Variants in MAP2K5 observed in about 807,000 individuals in gnomAD.
MAP2K5 encodes the protein mitogen-activated protein kinase kinase 5.
Under a neutral mutation model 83.1 loss-of-function variants are expected in MAP2K5, and 49 were observed. The ratio of observed to expected loss-of-function variants is 0.59; its 90% CI spans 0.47 to 0.75. The LOEUF (loss-of-function observed/expected upper bound fraction) is 0.75. Among genes scored for constraint, MAP2K5 ranks in the 30% least tolerant of loss-of-function variants. The pLI, the probability that MAP2K5 is intolerant of heterozygous loss-of-function variation, is 0.00. For synonymous variants in MAP2K5, 202 were observed against 191.8 expected (o/e 1.05, Z -0.44); for missense variants, 457 against 557.5 (o/e 0.82, Z 1.82).
At chr15:67,606,051 G>C (rs577608040) in intron 8 of MAP2K5, among the ~76,000 whole-genome samples, 1 of 152,284 alleles carries the variant, frequency 6.6e-6, no homozygotes, top group African/African-American at 2.4e-5. Context: ...GGAAATAAAA[G>C]TAATTAACAG....
At chr15:67,641,171 GT>G (rs1411871321) in intron 9 of MAP2K5, among the ~76,000 whole-genome samples, 1 of 152,186 alleles carries the variant, frequency 6.6e-6, no homozygotes, top group African/African-American at 2.4e-5. Flanking sequence ...TGTTTTCTAA[GT>G]GGGAAAAATC....
intron 6 of MAP2K5, among the ~76,000 whole-genome samples, chr15:67,589,616 A>T (rs540514269): frequency 1.3e-5 from 2 of 152,348 alleles, no homozygotes; most frequent in East Asian, 3.9e-4. Context: ...AATGAATCAA[A>T]ATGTTATTAA....
chr15:67,756,163 G>A (rs2089829955), intron 19 of MAP2K5, among the ~76,000 whole-genome samples: 2 of 152,212 alleles, frequency 1.3e-5, no homozygotes, highest in Non-Finnish European at 2.9e-5. Flanking sequence ...GGGACACTGT[G>A]TTTTAAGTAT....
rs1413266897 is a variant in MAP2K5, at chr15:67,587,344, A to G, written c.431+431A>G. Among the ~76,000 whole-genome samples, 1 of 152,106 alleles carries G rather than the reference A, an allele frequency of 6.6e-6. No individual in the cohort carries two copies. Among genetic ancestry groups the G allele is most frequent in the African/African-American group, 2.4e-5 (1 of 41,412 alleles). Reference sequence around the variant, plus strand: ...TCATGCGGGGCCTCGTAGGCCCTGTAATGTTTGAATTTTCCTTTTGGTGCA... The same window carrying G: ...TCATGCGGGGCCTCGTAGGCCCTGTGATGTTTGAATTTTCCTTTTGGTGCA... On this transcript the variant is annotated intron_variant, in intron 6 of 21. Coordinates refer to ENST00000178640, the MANE Select transcript of MAP2K5 (RefSeq NM_145160.3). This position sits in a 1 kb window ranked among gnomAD's most constrained non-coding sequence, Gnocchi z 4.8.
At chr15:67,754,499 C>T (rs975037000) in intron 19 of MAP2K5, among the ~76,000 whole-genome samples, 3 of 152,192 alleles carry the variant, frequency 2.0e-5, no homozygotes, top group Admixed American at 6.5e-5. Context: ...GAGATAAATC[C>T]CTGTGCTGGA....
At chr15:67,730,094 A>T (rs1238146863) in intron 17 of MAP2K5, among the ~76,000 whole-genome samples, 1 of 152,218 alleles carries the variant, frequency 6.6e-6, no homozygotes, top group Admixed American at 6.5e-5. Context: ...GTTTTTCAAC[A>T]GAAGTTGGGG....
At chr15:67,590,806 A>G (rs988894117) in intron 6 of MAP2K5, among the ~76,000 whole-genome samples, 2 of 152,034 alleles carry the variant, frequency 1.3e-5, no homozygotes, top group Non-Finnish European at 2.9e-5. Context: ...CATTACTACT[A>G]CTGCCACCAC....
At chr15:67,784,784 T>C (rs11071960) in intron 21 of MAP2K5, among the ~76,000 whole-genome samples, 37,309 of 152,000 alleles carry the variant, frequency 0.25, 4,646 homozygotes, top group South Asian at 0.34. Flanking sequence ...CCTTTCCACT[T>C]CTGCCATCAT....
At chr15:67,598,347 G>C (rs961409384) in intron 7 of MAP2K5, among the ~76,000 whole-genome samples, 6 of 152,198 alleles carry the variant, frequency 3.9e-5, no homozygotes, top group Non-Finnish European at 8.8e-5. Context: ...CATGGTTCCA[G>C]AACTTGCTCT....
rs1027011319 is a variant in MAP2K5, at chr15:67,559,310, C to A, written c.185-3973C>A. 1.3e-5 allele frequency among the ~76,000 whole-genome samples: 2 copies of A among 152,134 alleles called. No homozygotes were observed. Among genetic ancestry groups the A allele is most frequent in the African/African-American group, 4.8e-5 (2 of 41,424 alleles). ...TTCTCTTGAAAGCCTTCTTGAGCCCCTGTCACTGCAGTGGGTGCTGTTTGG... is the reference window on the plus strand; with the variant it reads ...TTCTCTTGAAAGCCTTCTTGAGCCCATGTCACTGCAGTGGGTGCTGTTTGG... On this transcript the variant is annotated intron_variant, in intron 2 of 21. Transcript: ENST00000178640. The surrounding 1 kb of genome is among the most constrained non-coding windows in gnomAD (Gnocchi z 4.7).
intron 2 of MAP2K5, among the ~76,000 whole-genome samples, chr15:67,556,772 C>T (rs1366431378): frequency 1.3e-5 from 2 of 151,980 alleles, no homozygotes; most frequent in African/African-American, 2.4e-5. Context: ...AGGCTGGTCT[C>T]GAACTCCTGA....
In MAP2K5 at chr15:67,542,975, C is replaced by G. The variant is rs1239045972; in HGVS notation, c.-361C>G. The G allele has an allele frequency of 2.1e-5, 6 of 289,716 alleles. No individual in the cohort carries two copies. The highest frequency in any genetic ancestry group is 3.4e-5 in the Non-Finnish European group (5 of 148,674). 17.9% of individuals were successfully genotyped at this position (289,716 alleles called of 1,614,324 possible). The stretch of plus-strand genomic sequence containing the variant: ...GCGGTGGACACCTGCCGCTGTATCT[C>G]CCCCAAACCGAGTCCTTGCCCTGCT... On this transcript the variant is annotated 5_prime_UTR_variant, in exon 1 of 22. Transcript: ENST00000178640.
intron 13 of MAP2K5, among the ~76,000 whole-genome samples, chr15:67,685,934 T>A (rs1202849072): frequency 6.6e-6 from 1 of 152,164 alleles, no homozygotes; most frequent in Non-Finnish European, 1.5e-5. Context: ...ATTTGAGTAG[T>A]TACAACAAAA....
At chr15:67,784,720 C>G (rs1323592487) in intron 21 of MAP2K5, among the ~76,000 whole-genome samples, 1 of 152,174 alleles carries the variant, frequency 6.6e-6, no homozygotes, top group African/African-American at 2.4e-5. Flanking sequence ...TTGGTTTTGG[C>G]AAAAACTGAG....
At chr15:67,584,791 G>A (rs1198544049) in intron 4 of MAP2K5, among the ~76,000 whole-genome samples, 1 of 146,666 alleles carries the variant, frequency 6.8e-6, no homozygotes, top group Non-Finnish European at 1.5e-5. Flanking sequence ...ACATTCTCCT[G>A]CCTCACGACA....
chr15:67,627,982 T>C, intron 8 of MAP2K5: 1 of 749,126 alleles, frequency 1.3e-6, no homozygotes, highest in East Asian at 3.0e-5. Context: ...CAGACTGTGG[T>C]AATGAGAGAT....
intron 21 of MAP2K5, among the ~76,000 whole-genome samples, chr15:67,805,222 G>A (rs1021010820): frequency 4.6e-5 from 7 of 152,202 alleles, no homozygotes; most frequent in African/African-American, 7.2e-5. Context: ...ATAGACCCAC[G>A]CAGGGTGTCC....
Position 67,807,028 on chromosome 15 carries a change from A to G in MAP2K5, c.*278A>G. 7.6e-7 allele frequency: 1 copy of G among 1,315,334 alleles called. No homozygotes were observed. Among genetic ancestry groups the G allele is most frequent in the African/African-American group, 1.5e-5 (1 of 67,302 alleles). The allele number at this position is 1,315,334 out of a possible 1,614,324, so 81.5% of individuals were successfully genotyped here. The stretch of plus-strand genomic sequence containing the variant: ...ATGGAGGCTCCCAGGGTCCCTGCCC[A>G]CTTCTGTTTTCCTAATGTTTTTCTC... On this transcript the variant is annotated 3_prime_UTR_variant, in exon 22 of 22. Coordinates refer to ENST00000178640, the MANE Select transcript of MAP2K5 (RefSeq NM_145160.3). The surrounding 1 kb of genome is among the most constrained non-coding windows in gnomAD (Gnocchi z 5.1).
rs2084828258 is a variant in MAP2K5 at position 67,565,909 on chromosome 15, C to T, written c.252+2559C>T. On this transcript the variant is annotated intron_variant, in intron 3 of 21. Transcript: ENST00000178640. This position sits in a 1 kb window ranked among gnomAD's most constrained non-coding sequence, Gnocchi z 4.1. Reference sequence around the variant, plus strand: ...ACAGGCGTGAGCCAAGGTGCCTGGCCAGGTTGGCTGTCATTTTGATCTGTC... The same window carrying T: ...ACAGGCGTGAGCCAAGGTGCCTGGCTAGGTTGGCTGTCATTTTGATCTGTC... 6.6e-6 allele frequency among the ~76,000 whole-genome samples: 1 copy of T among 152,120 alleles called. No homozygotes were observed. The highest frequency in any genetic ancestry group is 6.5e-5 in the Admixed American group (1 of 15,282).
Sources: gnomAD v4.1 joint callset for allele counts (sites outside exome capture counted in the v4.1 genomes callset) on GRCh38, gnomAD v4.1.1 for gene constraint, Gnocchi (gnomAD v3.1) non-coding constraint, MANE v1.5 for transcripts, NCBI Gene and HGNC (gene_info 2026-07-23, HGNC 2026-07-21) for gene names.